The following FAF1 variants were observed in gnomAD, a reference collection of about 807,000 sequenced individuals.
FAF1 encodes FAS-associated factor 1.
Under a neutral mutation model 92.5 loss-of-function variants are expected in FAF1, and 25 were observed. The ratio of observed to expected loss-of-function variants is 0.27; its 90% CI spans 0.20 to 0.38. The LOEUF (loss-of-function observed/expected upper bound fraction) is 0.38. FAF1 is among the 10% of genes least tolerant of loss of function. The pLI is 1.00. For missense variants in FAF1, 636 were observed against 793.3 expected (o/e 0.80, Z 2.38); for synonymous variants, 234 against 273.2 (o/e 0.86, Z 1.42).
At chr1:50,617,636 G>A (rs1477191981) in intron 8 of FAF1, among the ~76,000 whole-genome samples, 1 of 149,620 alleles carries the variant, frequency 6.7e-6, no homozygotes, top group Non-Finnish European at 1.5e-5. Context: ...CCAGATTATA[G>A]TATTAGGGTG....
chr1:50,746,271 TA>T (rs1659595525), intron 4 of FAF1, among the ~76,000 whole-genome samples: 8 of 24,864 alleles, frequency 3.2e-4, no homozygotes, highest in South Asian at 2.2e-3. Flanking sequence ...TATATATATA[TA>T]TATATATATA....
chr1:50,734,923 A>G (rs190472572), intron 6 of FAF1, among the ~76,000 whole-genome samples: 46 of 152,294 alleles, frequency 3.0e-4, no homozygotes, highest in African/African-American at 1.1e-3. Context: ...ATCAGGGAGA[A>G]GGTACAATAA....
At chr1:50,819,717 G>GTA (rs1309594149) in intron 2 of FAF1, among the ~76,000 whole-genome samples, 257 of 12,786 alleles carry the variant, frequency 0.02, 34 homozygotes, top group African/African-American at 0.057. Flanking sequence ...ATATATATAC[G>GTA]TATATATATA....
At chr1:50,642,166 G>A (rs188544503) in intron 8 of FAF1, among the ~76,000 whole-genome samples, 1 of 146,216 alleles carries the variant, frequency 6.8e-6, no homozygotes, top group East Asian at 2.0e-4. Flanking sequence ...CTGTGCCACT[G>A]CACTTCAGCC....
chr1:50,439,640 T>C lies in FAF1; in HGVS notation c.*1800A>G, dbSNP rs1422965062. The C allele has an allele frequency of 6.6e-6, 1 of 152,060 alleles. No individual in the cohort carries two copies. Among genetic ancestry groups the C allele is most frequent in the East Asian group, 1.9e-4 (1 of 5,190 alleles). 9.4% of individuals were successfully genotyped at this position (152,060 alleles called of 1,614,324 possible). A position where few individuals can be genotyped will look rare whatever the true frequency, so the allele number is the denominator to read the frequency against. On this transcript the variant is annotated 3_prime_UTR_variant, in exon 19 of 19. Coordinates refer to ENST00000396153, the MANE Select transcript of FAF1 (RefSeq NM_007051.3). ...ACACCCCTGCTGCTGTTCCTGAGTA[T>C]GACCTGAGTTCAGGGCTGCAGCTTC... is the stretch of plus-strand genomic sequence containing the variant.
At chr1:50,591,462 G>C (rs1288962054) in intron 9 of FAF1, among the ~76,000 whole-genome samples, 1 of 152,070 alleles carries the variant, frequency 6.6e-6, no homozygotes, top group African/African-American at 2.4e-5. Context: ...CACGACTTAA[G>C]GTCAGGAGTT....
intron 2 of FAF1, among the ~76,000 whole-genome samples, chr1:50,810,029 G>A (rs192943045): frequency 4.7e-4 from 72 of 152,268 alleles, no homozygotes; most frequent in Non-Finnish European, 9.3e-4. Flanking sequence ...GCTGAGGCCC[G>A]TGGATCACAT....
In FAF1 at chr1:50,438,372, T is replaced by A. The variant is rs1646143977; in HGVS notation, c.*3068A>T. Reference sequence around the variant, plus strand: ...GACACTGAAGTCTCTGGAATGTGTGTGTATGTGGCTGTGGTTATATGTATG... The same window carrying A: ...GACACTGAAGTCTCTGGAATGTGTGAGTATGTGGCTGTGGTTATATGTATG... On this transcript the variant is annotated 3_prime_UTR_variant, in exon 19 of 19. Transcript: ENST00000396153. The A allele has an allele frequency of 6.6e-6, 1 of 152,222 alleles. No homozygotes were observed. The highest frequency in any genetic ancestry group is 2.1e-4 in the South Asian group (1 of 4,832). The allele number at this position is 152,222 out of a possible 1,614,324, so 9.4% of individuals were successfully genotyped here. A position where few individuals can be genotyped will look rare whatever the true frequency, so the allele number is the denominator to read the frequency against.
At chr1:50,554,374 T>TAGAGAG (rs1649453424) in intron 13 of FAF1, among the ~76,000 whole-genome samples, 1 of 100,056 alleles carries the variant, frequency 1.0e-5, no homozygotes, top group African/African-American at 5.0e-5. Flanking sequence ...AATATATATA[T>TAGAGAG]ATATATATAT....
intron 18 of FAF1, among the ~76,000 whole-genome samples, chr1:50,466,217 A>G (rs1452528746): frequency 6.6e-6 from 1 of 152,192 alleles, no homozygotes; most frequent in African/African-American, 2.4e-5. Flanking sequence ...AGTAAAACCA[A>G]CAGATTTTGC....
At chr1:50,933,917 T>C (rs1645067278) in intron 1 of FAF1, among the ~76,000 whole-genome samples, 1 of 152,178 alleles carries the variant, frequency 6.6e-6, no homozygotes, top group Admixed American at 6.5e-5. Context: ...ACTTATTCAC[T>C]ATCACGAGAA....
At chr1:50,713,762 A>T (rs1298778257) in intron 6 of FAF1, among the ~76,000 whole-genome samples, 1 of 150,524 alleles carries the variant, frequency 6.6e-6, no homozygotes, top group Non-Finnish European at 1.5e-5. Context: ...TGCGCCTGGC[A>T]AATGTAAAAG....
At chr1:50,659,376 G>A (rs1655271714) in intron 7 of FAF1, among the ~76,000 whole-genome samples, 1 of 152,058 alleles carries the variant, frequency 6.6e-6, no homozygotes, top group Non-Finnish European at 1.5e-5. Flanking sequence ...GTGAGAAAGA[G>A]AGGGGGAAGG....
At chr1:50,522,581 G>A (rs1029742232) in intron 15 of FAF1, among the ~76,000 whole-genome samples, 2 of 152,074 alleles carry the variant, frequency 1.3e-5, no homozygotes, top group Non-Finnish European at 2.9e-5. Context: ...AACTGCTCAG[G>A]ATTAAAGTTC....
intron 4 of FAF1, among the ~76,000 whole-genome samples, chr1:50,774,881 T>A (rs1222505935): frequency 2.0e-5 from 3 of 152,078 alleles, no homozygotes; most frequent in Admixed American, 2.0e-4. Context: ...AAAACAGAAT[T>A]CAGAAGGTTT....
intron 4 of FAF1, among the ~76,000 whole-genome samples, chr1:50,774,241 C>A (rs781097146): frequency 6.6e-6 from 1 of 152,072 alleles, no homozygotes; most frequent in African/African-American, 2.4e-5. Context: ...TTTCAAGACA[C>A]ACAAAATTGT....
intron 18 of FAF1, among the ~76,000 whole-genome samples, chr1:50,466,303 G>A (rs142979585): frequency 2.0e-5 from 3 of 152,258 alleles, no homozygotes; most frequent in African/African-American, 7.2e-5. Flanking sequence ...AAAGAATGAA[G>A]CTGCCATTTA....
At chr1:50,738,998 T>C in intron 5 of FAF1, 44 bp from the exon 6 acceptor site, 1 of 1,146,310 alleles carries the variant, frequency 8.7e-7, no homozygotes, top group Non-Finnish European at 1.3e-6. Flanking sequence ...TTGATGTTGA[T>C]TATTCATTAT....
intron 9 of FAF1, among the ~76,000 whole-genome samples, chr1:50,586,331 C>T (rs867442252): frequency 6.6e-6 from 1 of 152,012 alleles, no homozygotes; most frequent in Non-Finnish European, 1.5e-5. Context: ...TGGGGTATAG[C>T]CAGAGGATCT....
Sources: gnomAD v4.1 joint callset for allele counts (sites outside exome capture counted in the v4.1 genomes callset) on GRCh38, gnomAD v4.1.1 for gene constraint, MANE v1.5 for transcripts, NCBI Gene and HGNC (gene_info 2026-07-23, HGNC 2026-07-21) for gene names.